BTRC: variants seen among roughly 807,000 people sequenced by gnomAD.
BTRC encodes the protein F-box/WD repeat-containing protein 1A.
A neutral mutation model predicts 85.5 loss-of-function variants in BTRC; 42 were observed. That is an observed-to-expected ratio of 0.49 (90% CI 0.38 to 0.64). The LOEUF (loss-of-function observed/expected upper bound fraction) is 0.64. BTRC is among the 30% of genes least tolerant of loss of function. The probability of loss-of-function intolerance (pLI) is 0.00; values close to 1 mark genes in which losing one functional copy is unlikely to be tolerated. For synonymous variants in BTRC, 255 were observed against 263.3 expected (o/e 0.97, Z 0.30); for missense variants, 594 against 743.5 (o/e 0.80, Z 2.34).
intron 3 of BTRC, among the ~76,000 whole-genome samples, chr10:101,478,666 C>T (rs1945754695): frequency 6.6e-6 from 1 of 151,476 alleles, no homozygotes; most frequent in South Asian, 2.1e-4. Context: ...GTAGCGTGCC[C>T]CTGTAGTCCC....
intron 2 of BTRC, among the ~76,000 whole-genome samples, chr10:101,447,797 TACA>T (rs1237126066): frequency 6.6e-6 from 1 of 152,162 alleles, no homozygotes; most frequent in Admixed American, 6.5e-5. Flanking sequence ...ATTTCAGTGC[TACA>T]ACGATTATTA....
chr10:101,461,154 G>A (rs1266817083), intron 2 of BTRC, among the ~76,000 whole-genome samples: 1 of 152,026 alleles, frequency 6.6e-6, no homozygotes, highest in Non-Finnish European at 1.5e-5. Flanking sequence ...TGCCCGCCTT[G>A]GCCTCCCAAA....
chr10:101,366,966 A>ATATATATATATT (rs1197730152), intron 1 of BTRC, among the ~76,000 whole-genome samples: 1 of 40,740 alleles, frequency 2.5e-5, no homozygotes, highest in Non-Finnish European at 5.6e-5. Flanking sequence ...ATATTTATAT[A>ATATATATATATT]AATATATATT....
Position 101,522,409 on chromosome 10 carries a change from C to CTTTTTTTTTTTTTTTTTTTTTTTTTT in BTRC, c.556+542_556+567dup, listed in dbSNP as rs1176651688. Among the ~76,000 whole-genome samples, 4 of 29,544 alleles carry CTTTTTTTTTTTTTTTTTTTTTTTTTT rather than the reference C, an allele frequency of 1.4e-4. 2 individuals carry two copies. The highest frequency in any genetic ancestry group is 2.6e-4 in the African/African-American group (2 of 7,654). 19.4% of individuals were successfully genotyped at this position (29,544 alleles called of 152,430 possible). On this transcript the variant is annotated intron_variant, in intron 5 of 14. Coordinates refer to ENST00000370187, the MANE Select transcript of BTRC (RefSeq NM_033637.4). ...AAAAAAACTCTAGAAATAAAGACTC[C>CTTTTTTTTTTTTTTTTTTTTTTTTTT]TTTTTTTTTTTTTTTTTTTTTTTTT...
chr10:101,546,572 A>G (rs2134463726), intron 13 of BTRC, among the ~76,000 whole-genome samples: 1 of 152,350 alleles, frequency 6.6e-6, no homozygotes, highest in East Asian at 1.9e-4. Context: ...AATTTATAGC[A>G]CTGAATGCAT....
intron 2 of BTRC, among the ~76,000 whole-genome samples, chr10:101,430,709 A>G (rs909999746): frequency 1.3e-5 from 2 of 152,222 alleles, no homozygotes; most frequent in African/African-American, 4.8e-5. Context: ...TTTCAGATCA[A>G]GTAGAAGTAT....
chr10:101,393,281 C>T (rs1289957954), intron 1 of BTRC, among the ~76,000 whole-genome samples: 1 of 152,122 alleles, frequency 6.6e-6, no homozygotes, highest in Non-Finnish European at 1.5e-5. Context: ...TCATAATAAA[C>T]CAGCAGATAT....
At chr10:101,519,846 T>A (rs2062077496) in intron 4 of BTRC, among the ~76,000 whole-genome samples, 1 of 151,976 alleles carries the variant, frequency 6.6e-6, no homozygotes, top group Non-Finnish European at 1.5e-5. Context: ...AAATACAGAA[T>A]TAGCTGGGCA....
At chr10:101,523,258 CGTTTTTAGTTGAA>C (rs2062145901) in intron 5 of BTRC, among the ~76,000 whole-genome samples, 2 of 151,888 alleles carry the variant, frequency 1.3e-5, no homozygotes, top group Admixed American at 1.3e-4. Context: ...GACTAAGAAA[CGTTTTTAGTTGAA>C]GTTTTTAGAA....
chr10:101,494,655 A>G (rs1456663832), intron 4 of BTRC, among the ~76,000 whole-genome samples: 1 of 152,044 alleles, frequency 6.6e-6, no homozygotes, highest in Non-Finnish European at 1.5e-5. Flanking sequence ...ACACGTATTG[A>G]TTTTAACAAG....
chr10:101,444,389 G>A (rs950831748), intron 2 of BTRC, among the ~76,000 whole-genome samples: 3 of 152,156 alleles, frequency 2.0e-5, no homozygotes, highest in African/African-American at 7.2e-5. Flanking sequence ...AGAGTCTATT[G>A]CATACAAGGT....
chr10:101,501,023 C>T (rs1406801941), intron 4 of BTRC, among the ~76,000 whole-genome samples: 3 of 152,058 alleles, frequency 2.0e-5, no homozygotes, highest in African/African-American at 4.8e-5. Context: ...GGCAAAACCC[C>T]GCCTCCACTA....
At chr10:101,367,979 A>G (rs1208797655) in intron 1 of BTRC, among the ~76,000 whole-genome samples, 2 of 152,190 alleles carry the variant, frequency 1.3e-5, no homozygotes, top group Non-Finnish European at 2.9e-5. Context: ...TCGCTGGGTC[A>G]CAGGGTATGA....
chr10:101,468,849 T>C (rs1416560298), intron 3 of BTRC, among the ~76,000 whole-genome samples: 1 of 152,240 alleles, frequency 6.6e-6, no homozygotes, highest in African/African-American at 2.4e-5. Context: ...TAGTGTGTTA[T>C]ATGTTTCACC....
At chr10:101,363,772 ATC>A (rs1411110056) in intron 1 of BTRC, among the ~76,000 whole-genome samples, 6 of 152,328 alleles carry the variant, frequency 3.9e-5, no homozygotes, top group African/African-American at 1.4e-4. Flanking sequence ...TTTGACAGAT[ATC>A]TCTCTGAGGT....
At chr10:101,522,352 T>TA (rs34282047) in intron 5 of BTRC, among the ~76,000 whole-genome samples, 571 of 41,970 alleles carry the variant, frequency 0.014, 15 homozygotes, top group Middle Eastern at 0.026. Context: ...TATAAAGCTT[T>TA]AAAAAAAAAA....
At chr10:101,481,218 A>C (rs1945825276) in intron 4 of BTRC, among the ~76,000 whole-genome samples, 1 of 152,262 alleles carries the variant, frequency 6.6e-6, no homozygotes, top group Admixed American at 6.5e-5. Flanking sequence ...AGTTGGGATT[A>C]CAAGCGTGAG....
At chr10:101,491,662 A>G (rs1047141686) in intron 4 of BTRC, among the ~76,000 whole-genome samples, 1 of 151,086 alleles carries the variant, frequency 6.6e-6, no homozygotes, top group African/African-American at 2.4e-5. Context: ...GCGCCTCTGC[A>G]CTCCAGCCTG....
chr10:101,364,243 T>G (rs1300505663), intron 1 of BTRC, among the ~76,000 whole-genome samples: 3 of 152,204 alleles, frequency 2.0e-5, no homozygotes, highest in African/African-American at 7.2e-5. Context: ...TGGATACTCC[T>G]AGAATCATAA....
Sources: gnomAD v4.1 joint callset for allele counts (sites outside exome capture counted in the v4.1 genomes callset) on GRCh38, gnomAD v4.1.1 for gene constraint, MANE v1.5 for transcripts, NCBI Gene and HGNC (gene_info 2026-07-23, HGNC 2026-07-21) for gene names.